The following CBLN3 variants were observed in gnomAD, a reference collection of about 807,000 sequenced individuals.
CBLN3 encodes the protein cerebellin 3 precursor.
In CBLN3, 14 loss-of-function variants were observed where a neutral mutation model predicts 17.4. The ratio of observed to expected loss-of-function variants is 0.81; its 90% CI spans 0.53 to 1.26. The LOEUF is 1.26. Among genes scored for constraint, CBLN3 ranks in the 50% most tolerant of loss-of-function variants. CBLN3 has a pLI of 0.00. For missense variants in CBLN3, 263 were observed against 268.5 expected, an observed-to-expected ratio of 0.98 and a Z score of 0.14; for synonymous variants, 129 against 117.4, an observed-to-expected ratio of 1.10 and a Z score of -0.64.
intron 1 of CBLN3, 32 bp from the exon 2 acceptor site, chr14:24,428,437 C>T (rs756119082): frequency 3.7e-6 from 6 of 1,611,938 alleles, no homozygotes; most frequent in Non-Finnish European, 5.1e-6. Context: ...GAGTGGGGCT[C>T]AGGAAATGCC....
In CBLN3 at chr14:24,427,687, A is replaced by G. The variant is rs1442223477; in HGVS notation, c.*102T>C. 2 of 1,051,940 alleles carry G rather than the reference A, an allele frequency of 1.9e-6. No homozygotes were observed. The highest frequency in any genetic ancestry group is 2.9e-6 in the Non-Finnish European group (2 of 687,348). The allele number at this position is 1,051,940 out of a possible 1,614,324, so 65.2% of individuals were successfully genotyped here. A position where few individuals can be genotyped will look rare whatever the true frequency, so the allele number is the denominator to read the frequency against. On this transcript the variant is annotated 3_prime_UTR_variant, in exon 3 of 3. Transcript: ENST00000267406. This position sits in a 1 kb window ranked among gnomAD's most constrained non-coding sequence, Gnocchi z 4.4. ...GTCCCATGCAAAGAGGTGGGATAGG[A>G]GCCAGAGGGAGTCTCTCTCCTGCCT...
At position 24,427,738 on chromosome 14, in the gene CBLN3, C is replaced by A; in HGVS notation, c.*51G>T. The A allele has an allele frequency of 1.3e-6, 2 of 1,555,806 alleles. No homozygotes were observed. Among genetic ancestry groups the A allele is most frequent in the South Asian group, 1.1e-5 (1 of 89,172 alleles). ...CTGCTGTTTCTGGGGCAAGAGAGGG[C>A]AGAAGAAAGTTGTCAGGGGCTGGAT... On this transcript the variant is annotated 3_prime_UTR_variant, in exon 3 of 3. Transcript: ENST00000267406. This position sits in a 1 kb window ranked among gnomAD's most constrained non-coding sequence, Gnocchi z 4.4.
intron 2 of CBLN3, 121 bp from the exon 3 acceptor site, chr14:24,428,107 G>GCTCC (rs2043040922): frequency 7.5e-7 from 1 of 1,335,502 alleles, no homozygotes; most frequent in Non-Finnish European, 1.0e-6. Flanking sequence ...GGGCTGAGGG[G>GCTCC]CGGCCAGCAT....
rs1467416353 is a variant in CBLN3, at chr14:24,427,543, C to G, written c.*246G>C. Reference sequence around the variant, plus strand: ...AAACCTTGCCCTGATCCTAGGGCTGCAGGCAGGAACAGATGCAGCAGGTGG... The same window carrying G: ...AAACCTTGCCCTGATCCTAGGGCTGGAGGCAGGAACAGATGCAGCAGGTGG... On this transcript the variant is annotated 3_prime_UTR_variant, in exon 3 of 3. Coordinates refer to ENST00000267406, the MANE Select transcript of CBLN3 (RefSeq NM_001039771.3). This position sits in a 1 kb window ranked among gnomAD's most constrained non-coding sequence, Gnocchi z 4.4. The G allele has an allele frequency of 2.0e-6, 1 of 498,000 alleles. No individual in the cohort carries two copies. The highest frequency in any genetic ancestry group is 2.3e-5 in the African/African-American group (1 of 42,972). The allele number at this position is 498,000 out of a possible 1,614,324, so 30.8% of individuals were successfully genotyped here. A position where few individuals can be genotyped will look rare whatever the true frequency, so the allele number is the denominator to read the frequency against.
rs753295530 is a variant in CBLN3, at chr14:24,427,978, C to A, written c.429G>T (p.Leu143=). The A allele has an allele frequency of 1.2e-6, 2 of 1,613,196 alleles. No homozygotes were observed. The highest frequency in any genetic ancestry group is 3.3e-5 in the Admixed American group (2 of 59,978). ...AGATGACAGGCCACGTGTTCAGCAT[C>A]AGGCTCACCTGGGGAGGGGAGCCCA... ...VYNRQTVQVS[L]MLNTWPVISA... The change falls in exon 3 of 3, where the codon CTG becomes CTT. Residue 143 remains leucine, a synonymous_variant. Coordinates refer to ENST00000267406, the MANE Select transcript of CBLN3 (RefSeq NM_001039771.3). This position sits in a 1 kb window ranked among gnomAD's most constrained non-coding sequence, Gnocchi z 4.4.
In CBLN3 at chr14:24,427,424, C is replaced by T. The variant is rs969260939; in HGVS notation, c.*365G>A. On this transcript the variant is annotated 3_prime_UTR_variant, in exon 3 of 3. Coordinates refer to ENST00000267406, the MANE Select transcript of CBLN3 (RefSeq NM_001039771.3). This position sits in a 1 kb window ranked among gnomAD's most constrained non-coding sequence, Gnocchi z 4.4. ...TGTGGGGGCCTGTCAGGCTCACCTG[C>T]GCCACCTGTCCCTGATCAGCATTGA... is the stretch of plus-strand genomic sequence containing the variant. 26 of 223,848 alleles carry T rather than the reference C, an allele frequency of 1.2e-4. No individual in the cohort carries two copies. The highest frequency in any genetic ancestry group is 1.4e-4 in the African/African-American group (6 of 43,138). The allele number at this position is 223,848 out of a possible 1,614,324, so 13.9% of individuals were successfully genotyped here. A position where few individuals can be genotyped will look rare whatever the true frequency, so the allele number is the denominator to read the frequency against.
chr14:24,427,443 G>A lies in CBLN3; in HGVS notation c.*346C>T. 1 of 289,444 alleles carries A rather than the reference G, an allele frequency of 3.5e-6. No individual in the cohort carries two copies. Among genetic ancestry groups the A allele is most frequent in the South Asian group, 3.5e-5 (1 of 28,690 alleles). The allele number at this position is 289,444 out of a possible 1,614,324, so 17.9% of individuals were successfully genotyped here. ...CACCTGCGCCACCTGTCCCTGATCA[G>A]CATTGAGCAGGAAGCTGGGGTGGGG... On this transcript the variant is annotated 3_prime_UTR_variant, in exon 3 of 3. Coordinates refer to ENST00000267406, the MANE Select transcript of CBLN3 (RefSeq NM_001039771.3). This position sits in a 1 kb window ranked among gnomAD's most constrained non-coding sequence, Gnocchi z 4.4.
At position 24,428,006 on chromosome 14, in the gene CBLN3, T is replaced by C. The variant is rs1309450052; in HGVS notation, c.421-20A>G. The C allele has an allele frequency of 6.2e-7, 1 of 1,607,228 alleles. No individual in the cohort carries two copies. Among genetic ancestry groups the C allele is most frequent in the Non-Finnish European group, 8.5e-7 (1 of 1,176,702 alleles). On this transcript the variant is annotated intron_variant, in intron 2 of 2. Transcript: ENST00000267406. ...GCTCACCTGGGGAGGGGAGCCCAGT[T>C]AGCCCCCATTCCCCAGCCCTTAGCT...
In CBLN3 at chr14:24,428,757, G is replaced by T; in HGVS notation, c.298C>A (p.Gln100Lys). The T allele has an allele frequency of 6.3e-7, 1 of 1,583,204 alleles. No homozygotes were observed. The highest frequency in any genetic ancestry group is 8.6e-7 in the Non-Finnish European group (1 of 1,161,552). ...NGTSGAIYFDQVLVNEGGGFD... is the reference protein window; with the variant it reads ...NGTSGAIYFDKVLVNEGGGFD... Reference sequence around the variant, plus strand: ...CTGGACAGGGGTAGGGGGATTACCTGGTCGAAGTAGATGGCCCCACTGGTG... The same window carrying T: ...CTGGACAGGGGTAGGGGGATTACCTTGTCGAAGTAGATGGCCCCACTGGTG... The change falls in exon 1 of 3, where the codon CAG becomes AAG. Residue 100 changes from glutamine to lysine, a missense_variant and splice_region_variant. Physicochemically the swap from Gln to Lys is moderately conservative, Grantham distance 53. Transcript: ENST00000267406.
At position 24,427,837 on chromosome 14, in the gene CBLN3, AC is replaced by A. The variant is rs1240901686; in HGVS notation, c.569del (p.Gly190ValfsTer67). 1 of 1,613,836 alleles carries A rather than the reference AC, an allele frequency of 6.2e-7. No individual in the cohort carries two copies. The highest frequency in any genetic ancestry group is 2.2e-5 in the East Asian group (1 of 44,854). On this transcript the variant is annotated frameshift_variant, in exon 3 of 3. Coordinates refer to ENST00000267406, the MANE Select transcript of CBLN3 (RefSeq NM_001039771.3). LOFTEE classifies it high-confidence loss of function. The surrounding 1 kb of genome is among the most constrained non-coding windows in gnomAD (Gnocchi z 4.4). The part of the protein sequence containing the change: ...SLRLRRGNLL[G>X]GWKYSSFSGF... ...CAGAGAAACTTGAGTATTTCCAACCACCCAGTAGATTCCCCCGACGCAGGCG... is the reference window on the plus strand; with the variant it reads ...CAGAGAAACTTGAGTATTTCCAACCACCAGTAGATTCCCCCGACGCAGGCG...
In CBLN3 at chr14:24,427,821, T is replaced by C. The variant is rs1479076758; in HGVS notation, c.586A>G (p.Ser196Gly). 2.5e-6 allele frequency: 4 copies of C among 1,614,036 alleles called. No homozygotes were observed. Among genetic ancestry groups the C allele is most frequent in the Non-Finnish European group, 3.4e-6 (4 of 1,179,984 alleles). ...GGGAAGATGAGGAAGCCAGAGAAAC[T>C]TGAGTATTTCCAACCACCCAGTAGA... is the stretch of plus-strand genomic sequence containing the variant. ...GNLLGGWKYS[S>G]FSGFLIFPL is the part of the protein sequence containing the mutation. Residue 196 changes from serine to glycine, a missense_variant, in exon 3 of 3, where the codon AGT becomes GGT. Transcript: ENST00000267406. The surrounding 1 kb of genome is among the most constrained non-coding windows in gnomAD (Gnocchi z 4.4).
rs553070221 is a variant in CBLN3, at chr14:24,428,976, G to A, written c.79C>T (p.Leu27=). 3.7e-5 allele frequency: 57 copies of A among 1,550,962 alleles called. No individual in the cohort carries two copies. The Admixed American group carries it at 5.7e-4, about 15-fold the overall frequency. ...GLPLVLVLLA[L]GAGWAQEGSE... The stretch of plus-strand genomic sequence containing the variant: ...CCCTCCTGGGCCCACCCGGCCCCCA[G>A]GGCCAGAAGCACCAGAACCAAGGGC... Residue 27 remains leucine, a synonymous_variant, in exon 1 of 3, where the codon CTG becomes TTG. Coordinates refer to ENST00000267406, the MANE Select transcript of CBLN3 (RefSeq NM_001039771.3).
rs2043065411 is a variant in CBLN3 at position 24,429,523 on chromosome 14, C to A, written c.-469G>T. 4.5e-6 allele frequency: 2 copies of A among 447,334 alleles called. No individual in the cohort carries two copies. The highest frequency in any genetic ancestry group is 3.4e-5 in the South Asian group (2 of 59,568). The allele number at this position is 447,334 out of a possible 1,614,324, so 27.7% of individuals were successfully genotyped here. ...TTCAAAATCCCCCACAAATCAACAGCCCTTCTTCGTGGCATCTTTCCGTTT... is the reference window on the plus strand; with the variant it reads ...TTCAAAATCCCCCACAAATCAACAGACCTTCTTCGTGGCATCTTTCCGTTT... On this transcript the variant is annotated 5_prime_UTR_variant, in exon 1 of 3. Transcript: ENST00000267406.
Position 24,429,024 on chromosome 14 carries a change from C to T in CBLN3, c.31G>A (p.Gly11Ser). Residue 11 changes from glycine (G) to serine (S), a missense_variant, in exon 1 of 3, where the codon GGT (glycine) becomes AGT (serine). Transcript: ENST00000267406. The stretch of plus-strand genomic sequence containing the variant: ...GGCAGCCCGGGACTGTGTAGGGGAC[C>T]TGGTAGCCAGTGTGGCTTGGCTCCC... MLGAKPHWLPGPLHSPGLPLV... is the reference protein window; with the variant it reads MLGAKPHWLPSPLHSPGLPLV... The T allele has an allele frequency of 4.6e-6, 7 of 1,524,478 alleles. No homozygotes were observed. Among genetic ancestry groups the T allele is most frequent in the Non-Finnish European group, 6.2e-6 (7 of 1,130,748 alleles). The allele number at this position is 1,524,478 out of a possible 1,614,324, so 94.4% of individuals were successfully genotyped here. A position where few individuals can be genotyped will look rare whatever the true frequency, so the allele number is the denominator to read the frequency against.
rs1323205069 is a variant in CBLN3 at position 24,429,018 on chromosome 14, G to A, written c.37C>T (p.Leu13=). 1 of 1,533,154 alleles carries A rather than the reference G, an allele frequency of 6.5e-7. No individual in the cohort carries two copies. The highest frequency in any genetic ancestry group is 8.8e-7 in the Non-Finnish European group (1 of 1,135,528). The allele number at this position is 1,533,154 out of a possible 1,614,324, so 95.0% of individuals were successfully genotyped here. A position where few individuals can be genotyped will look rare whatever the true frequency, so the allele number is the denominator to read the frequency against. Residue 13 remains leucine (L), a synonymous_variant, in exon 1 of 3, where the codon CTA becomes TTA. Transcript: ENST00000267406. ...ACCAAGGGCAGCCCGGGACTGTGTA[G>A]GGGACCTGGTAGCCAGTGTGGCTTG... is the stretch of plus-strand genomic sequence containing the variant. The part of the protein sequence containing the change: ...GAKPHWLPGP[L]HSPGLPLVLV...
rs940235633 is a variant in CBLN3 at position 24,427,596 on chromosome 14, T to A, written c.*193A>T. The A allele has an allele frequency of 2.3e-6, 1 of 441,304 alleles. No homozygotes were observed. The highest frequency in any genetic ancestry group is 7.1e-5 in the African/African-American group (1 of 14,164). 27.3% of individuals were successfully genotyped at this position (441,304 alleles called of 1,614,324 possible). A position where few individuals can be genotyped will look rare whatever the true frequency, so the allele number is the denominator to read the frequency against. On this transcript the variant is annotated 3_prime_UTR_variant, in exon 3 of 3. Transcript: ENST00000267406. This position sits in a 1 kb window ranked among gnomAD's most constrained non-coding sequence, Gnocchi z 4.4. ...GGGAGGGTAACTGGGGGTGGGTGGG[T>A]GGAAAGGCCTGGTCTGGAGATGCCA...
chr14:24,428,222 G>A, intron 2 of CBLN3, 64 bp downstream of exon 2: 1 of 1,595,030 alleles, frequency 6.3e-7, no homozygotes, highest in Non-Finnish European at 8.5e-7. Context: ...GAGGTCAGCT[G>A]GGCTCCCCTT....
rs1385647942 is a variant in CBLN3 at position 24,428,880 on chromosome 14, G to GC, written c.174dup (p.Pro59AlafsTer25). ...GCCTCTCCCAGGGCTGCTCCCCCGGGCCCCCCTGCAGCAGCTCGGCCAGGC... is the reference window on the plus strand; with the variant it reads ...GCCTCTCCCAGGGCTGCTCCCCCGGGCCCCCCCTGCAGCAGCTCGGCCAGGC... On this transcript the variant is annotated frameshift_variant, in exon 1 of 3. Coordinates refer to ENST00000267406, the MANE Select transcript of CBLN3 (RefSeq NM_001039771.3). LOFTEE classifies it high-confidence loss of function. The GC allele has an allele frequency of 6.2e-6, 10 of 1,601,736 alleles. No individual in the cohort carries two copies. Among genetic ancestry groups the GC allele is most frequent in the South Asian group, 3.3e-5 (3 of 89,688 alleles).
intron 1 of CBLN3, 39 bp from the exon 2 acceptor site, chr14:24,428,444 T>C (rs750324223): frequency 6.2e-7 from 1 of 1,610,724 alleles, no homozygotes; most frequent in East Asian, 2.2e-5. Context: ...GCTCAGGAAA[T>C]GCCCATGGCT....
Sources: gnomAD v4.1 joint callset for allele counts on GRCh38, gnomAD v4.1.1 for gene constraint, Gnocchi (gnomAD v3.1) non-coding constraint, MANE v1.5 for transcripts, NCBI Gene and HGNC (gene_info 2026-07-23, HGNC 2026-07-21) for gene names.